The following HELZ variants were observed in gnomAD, a reference collection of about 807,000 sequenced individuals.
HELZ encodes the protein ATP-dependent RNA helicase with zinc finger domain.
HELZ carries 23 observed loss-of-function variants against 218.2 expected under a neutral mutation model. That is an observed-to-expected ratio of 0.11 (90% CI 0.08 to 0.15). HELZ has a LOEUF of 0.15. Ranked by LOEUF, HELZ falls within the 10% of genes least tolerant of loss-of-function variation. HELZ has a pLI of 1.00. For synonymous variants in HELZ, 814 were observed against 829.4 expected (o/e 0.98, Z 0.32); for missense variants, 1,813 against 2,353.7 (o/e 0.77, Z 4.75).
At chr17:67,090,910 G>A (rs995971661) in intron 31 of HELZ, among the ~76,000 whole-genome samples, 10 of 151,804 alleles carry the variant, frequency 6.6e-5, no homozygotes, top group Non-Finnish European at 1.3e-4. Flanking sequence ...CCTTCCCTCT[G>A]CTTGATTTGA....
At chr17:67,079,606 C>T (rs2036125497) in intron 32 of HELZ, among the ~76,000 whole-genome samples, 1 of 152,170 alleles carries the variant, frequency 6.6e-6, no homozygotes, top group African/African-American at 2.4e-5. Context: ...CCTAGGTGTA[C>T]AAAGCTTCTG....
chr17:67,221,518 C>A (rs1219517841), intron 3 of HELZ, among the ~76,000 whole-genome samples: 1 of 152,176 alleles, frequency 6.6e-6, no homozygotes, highest in African/African-American at 2.4e-5. Flanking sequence ...CAGCTAAAAT[C>A]TTTCTTAGGA....
At chr17:67,124,324 T>C (rs931822233) in intron 24 of HELZ, among the ~76,000 whole-genome samples, 2 of 152,194 alleles carry the variant, frequency 1.3e-5, no homozygotes, top group African/African-American at 4.8e-5. Context: ...TTAAATTTTA[T>C]TCCTTTGCAG....
At chr17:67,148,025 T>A (rs536003153) in intron 20 of HELZ, among the ~76,000 whole-genome samples, 3 of 152,200 alleles carry the variant, frequency 2.0e-5, no homozygotes, top group Non-Finnish European at 4.4e-5. Flanking sequence ...TTTCCATGCA[T>A]TCTGTGAGCC....
chr17:67,167,437 G>A, intron 14 of HELZ, 26 bp downstream of exon 14: 1 of 1,526,130 alleles, frequency 6.6e-7, no homozygotes, highest in Non-Finnish European at 9.1e-7. Context: ...AGACCACTAT[G>A]GTTAAGCTGC....
intron 29 of HELZ, 47 bp downstream of exon 29, chr17:67,109,069 T>C (rs1180224958): frequency 2.1e-6 from 3 of 1,403,984 alleles, no homozygotes; most frequent in African/African-American, 1.4e-5. Flanking sequence ...GTCCAAGTCA[T>C]GTTAAGTAAT....
chr17:67,144,095 A>G (rs1041104243), intron 21 of HELZ, among the ~76,000 whole-genome samples: 7 of 152,278 alleles, frequency 4.6e-5, no homozygotes, highest in African/African-American at 1.4e-4. Context: ...TGCTTGTTCT[A>G]TAACACAAAA....
At position 67,086,991 on chromosome 17, in the gene HELZ, G is replaced by A; in HGVS notation, c.5332C>T (p.Gln1778Ter). 6.2e-7 allele frequency: 1 copy of A among 1,614,030 alleles called. No individual in the cohort carries two copies. ...QPCSEEVSTP[Q>*]DSLAQCKELQ... ...TCTTTACACTGAGCCAGACTGTCTT[G>A]AGGAGTGCTTACTTCTTCAGAACAA... The change falls in exon 32 of 33, where the codon CAA (glutamine) becomes TAA (stop). Residue 1778 changes from glutamine to a stop codon, truncating the protein, a stop_gained. Transcript: ENST00000358691. LOFTEE classifies it high-confidence loss of function.
chr17:67,188,185 G>C lies in HELZ; in HGVS notation c.1162+134C>G, dbSNP rs1295433174. 3.9e-6 allele frequency: 3 copies of C among 772,550 alleles called. No homozygotes were observed. Among genetic ancestry groups the C allele is most frequent in the Non-Finnish European group, 6.2e-6 (3 of 481,662 alleles). The allele number at this position is 772,550 out of a possible 1,614,324, so 47.9% of individuals were successfully genotyped here. ...ATTATAAGCCCATTACACAGTAAAT[G>C]AGTCAATTAAGTTGGGATTTTTTTC... On this transcript the variant is annotated intron_variant, in intron 12 of 32. Transcript: ENST00000358691. This position sits in a 1 kb window ranked among gnomAD's most constrained non-coding sequence, Gnocchi z 4.1.
At chr17:67,147,465 C>T (rs2038535721) in intron 20 of HELZ, among the ~76,000 whole-genome samples, 1 of 152,030 alleles carries the variant, frequency 6.6e-6, no homozygotes, top group South Asian at 2.1e-4. Context: ...CTCTAATCTT[C>T]CCCTGCCTTT....
chr17:67,086,913 A>T lies in HELZ; in HGVS notation c.5410T>A (p.Trp1804Arg). 1 of 1,613,274 alleles carries T rather than the reference A, an allele frequency of 6.2e-7. No homozygotes were observed. Among genetic ancestry groups the T allele is most frequent in the Non-Finnish European group, 8.5e-7 (1 of 1,179,832 alleles). ...GGAGTAGATGAGGTGGTGTTTACCCAGGACTCCGGGGATGAAAAGTTGAAA... is the reference window on the plus strand; with the variant it reads ...GGAGTAGATGAGGTGGTGTTTACCCTGGACTCCGGGGATGAAAAGTTGAAA... ...SSFNFSSPES[W>R]VNTTSSTPYQ... Residue 1804 changes from tryptophan (W) to arginine (R), a missense_variant, in exon 32 of 33, where the codon TGG becomes AGG. Coordinates refer to ENST00000358691, the MANE Select transcript of HELZ (RefSeq NM_014877.4).
At chr17:67,084,498 T>TA (rs1048415006) in intron 32 of HELZ, among the ~76,000 whole-genome samples, 25 of 151,216 alleles carry the variant, frequency 1.7e-4, no homozygotes, top group African/African-American at 3.9e-4. Flanking sequence ...CCGTCTCTAC[T>TA]AAAAAACACA....
At chr17:67,099,947 T>C (rs1196780908) in intron 31 of HELZ, among the ~76,000 whole-genome samples, 1 of 152,214 alleles carries the variant, frequency 6.6e-6, no homozygotes, top group Non-Finnish European at 1.5e-5. Flanking sequence ...ATTTATTAAT[T>C]TGCTGATCAC....
At position 67,118,692 on chromosome 17, in the gene HELZ, C is replaced by CAAAAAAAAAAAAAAAA. The variant is rs142101119; in HGVS notation, c.3838+1697_3838+1712dup. 1.1e-4 allele frequency among the ~76,000 whole-genome samples: 5 copies of CAAAAAAAAAAAAAAAA among 44,920 alleles called. 1 individual carries two copies. Among genetic ancestry groups the CAAAAAAAAAAAAAAAA allele is most frequent in the African/African-American group, 1.9e-4 (2 of 10,654 alleles). 29.5% of individuals were successfully genotyped at this position (44,920 alleles called of 152,430 possible). A position where few individuals can be genotyped will look rare whatever the true frequency, so the allele number is the denominator to read the frequency against. ...ACAGCAAGACTCTGTCTTTAAAAGG[C>CAAAAAAAAAAAAAAAA]AAAAAAAAAAAAAAAAAAAAAAAGG... On this transcript the variant is annotated intron_variant, in intron 27 of 32. Transcript: ENST00000358691.
At chr17:67,087,647 C>G (rs1244703543) in intron 31 of HELZ, among the ~76,000 whole-genome samples, 1 of 152,170 alleles carries the variant, frequency 6.6e-6, no homozygotes, top group Non-Finnish European at 1.5e-5. Flanking sequence ...CTGGACTCCA[C>G]TGCATTTCTT....
chr17:67,235,328 A>G (rs2041148884), intron 3 of HELZ, among the ~76,000 whole-genome samples: 1 of 152,080 alleles, frequency 6.6e-6, no homozygotes, highest in Non-Finnish European at 1.5e-5. Flanking sequence ...AACATGGTGA[A>G]ACCCCGTCTC....
chr17:67,148,501 C>T lies in HELZ; in HGVS notation c.2621+68G>A, dbSNP rs1460551052. The T allele has an allele frequency of 6.0e-6, 8 of 1,341,022 alleles. No individual in the cohort carries two copies. In the African/African-American group the frequency reaches 1.0e-4, roughly 17 times the overall value. 83.1% of individuals were successfully genotyped at this position (1,341,022 alleles called of 1,614,324 possible). A position where few individuals can be genotyped will look rare whatever the true frequency, so the allele number is the denominator to read the frequency against. On this transcript the variant is annotated intron_variant, in intron 20 of 32. Coordinates refer to ENST00000358691, the MANE Select transcript of HELZ (RefSeq NM_014877.4). The stretch of plus-strand genomic sequence containing the variant: ...GAATCATCTGTCCCTAGCAGCAGTG[C>T]TGTTTTGAGTTCCCTCCTACTATCA...
At position 67,082,847 on chromosome 17, in the gene HELZ, GT is replaced by G. The variant is rs1163724224; in HGVS notation, c.5494+3981del. Reference sequence around the variant, plus strand: ...TATAGCAATGTAATTAGTTTTAACTGTTTTTTTTTTTTGTTTTTTTTTTTTT... The same window carrying G: ...TATAGCAATGTAATTAGTTTTAACTGTTTTTTTTTTTGTTTTTTTTTTTTT... On this transcript the variant is annotated intron_variant, in intron 32 of 32. Coordinates refer to ENST00000358691, the MANE Select transcript of HELZ (RefSeq NM_014877.4). 2.2e-3 allele frequency among the ~76,000 whole-genome samples: 289 copies of G among 129,846 alleles called. 1 individual carries two copies. Among genetic ancestry groups the G allele is most frequent in the African/African-American group, 3.1e-3 (110 of 35,050 alleles). 85.2% of individuals were successfully genotyped at this position (129,846 alleles called of 152,430 possible).
At chr17:67,126,038 G>T (rs1388321885) in intron 24 of HELZ, among the ~76,000 whole-genome samples, 2 of 152,144 alleles carry the variant, frequency 1.3e-5, no homozygotes, top group African/African-American at 2.4e-5. Context: ...ACAGGGAACT[G>T]GATTCTACCA....
Sources: gnomAD v4.1 joint callset for allele counts (sites outside exome capture counted in the v4.1 genomes callset) on GRCh38, gnomAD v4.1.1 for gene constraint, Gnocchi (gnomAD v3.1) non-coding constraint, MANE v1.5 for transcripts, NCBI Gene and HGNC (gene_info 2026-07-23, HGNC 2026-07-21) for gene names.